The following THSD7B variants were observed in gnomAD, a reference collection of about 807,000 sequenced individuals.
THSD7B encodes the protein thrombospondin type-1 domain-containing protein 7B.
In THSD7B, 138 loss-of-function variants were observed where a neutral mutation model predicts 213.6. That is an observed-to-expected ratio of 0.65 (90% CI 0.56 to 0.74). The LOEUF (loss-of-function observed/expected upper bound fraction) is 0.74. Ranked by LOEUF, THSD7B falls within the 30% of genes least tolerant of loss-of-function variation. THSD7B has a pLI of 0.00. For synonymous variants in THSD7B, 742 were observed against 687.0 expected (o/e 1.08, Z -1.25); for missense variants, 1,931 against 1,991.5 (o/e 0.97, Z 0.58).
At chr2:136,835,078 C>T (rs78649831) in intron 1 of THSD7B, among the ~76,000 whole-genome samples, 6 of 152,116 alleles carry the variant, frequency 3.9e-5, no homozygotes, top group East Asian at 3.8e-4. Context: ...AGAGCCAACA[C>T]GCAACTCTGA....
At chr2:137,413,000 G>A (rs1686705433) in intron 14 of THSD7B, among the ~76,000 whole-genome samples, 1 of 151,678 alleles carries the variant, frequency 6.6e-6, no homozygotes, top group Non-Finnish European at 1.5e-5. Flanking sequence ...AACGTTCTCA[G>A]TAATACCAGA....
chr2:137,117,995 T>G (rs1367043734), intron 5 of THSD7B, among the ~76,000 whole-genome samples: 1 of 152,156 alleles, frequency 6.6e-6, no homozygotes, highest in Non-Finnish European at 1.5e-5. Flanking sequence ...CTATAGCATA[T>G]TTAGTTGATA....
intron 2 of THSD7B, among the ~76,000 whole-genome samples, chr2:137,042,382 C>T (rs975655117): frequency 6.6e-6 from 1 of 152,100 alleles, no homozygotes; most frequent in Non-Finnish European, 1.5e-5. Flanking sequence ...ATCATGCATG[C>T]AAAATATTTC....
chr2:137,356,003 G>A (rs895771146), intron 12 of THSD7B, among the ~76,000 whole-genome samples: 1 of 152,214 alleles, frequency 6.6e-6, no homozygotes, highest in South Asian at 2.1e-4. Flanking sequence ...GCATCTGTGA[G>A]ATCTACTACA....
intron 15 of THSD7B, among the ~76,000 whole-genome samples, chr2:137,461,248 A>C (rs1175198339): frequency 6.6e-6 from 1 of 152,118 alleles, no homozygotes; most frequent in Non-Finnish European, 1.5e-5. Flanking sequence ...TAGAATTGCT[A>C]GATCATAGGA....
intron 11 of THSD7B, among the ~76,000 whole-genome samples, chr2:137,273,125 T>G (rs537133991): frequency 1.7e-4 from 26 of 151,658 alleles, no homozygotes; most frequent in African/African-American, 5.8e-4. Context: ...TAATCAAGAA[T>G]TAAGAACAAA....
intron 25 of THSD7B, among the ~76,000 whole-genome samples, chr2:137,660,096 GTTA>G (rs1267814921): frequency 6.6e-6 from 1 of 152,124 alleles, no homozygotes; most frequent in Non-Finnish European, 1.5e-5. Flanking sequence ...ATTTGCTAAA[GTTA>G]TTATGCAAAT....
intron 12 of THSD7B, among the ~76,000 whole-genome samples, chr2:137,326,883 G>T (rs918348609): frequency 6.6e-6 from 1 of 152,106 alleles, no homozygotes; most frequent in Non-Finnish European, 1.5e-5. Flanking sequence ...AAATGCAGTT[G>T]CAGTTTCAAA....
intron 18 of THSD7B, among the ~76,000 whole-genome samples, chr2:137,617,367 G>C (rs1382970375): frequency 6.6e-6 from 1 of 152,088 alleles, no homozygotes; most frequent in Non-Finnish European, 1.5e-5. Flanking sequence ...CCTTTCTACT[G>C]ACACCAAAAA....
At chr2:137,467,756 G>T (rs1688021365) in intron 15 of THSD7B, among the ~76,000 whole-genome samples, 1 of 152,166 alleles carries the variant, frequency 6.6e-6, no homozygotes, top group African/African-American at 2.4e-5. Flanking sequence ...GAGGATGCAA[G>T]TTGCATTGAC....
intron 2 of THSD7B, among the ~76,000 whole-genome samples, chr2:136,897,359 C>T (rs1013328691): frequency 6.6e-6 from 1 of 151,768 alleles, no homozygotes; most frequent in Non-Finnish European, 1.5e-5. Context: ...TTCTGGTGGG[C>T]TCGTGGTCTC....
At chr2:136,891,566 T>G (rs1248858625) in intron 2 of THSD7B, among the ~76,000 whole-genome samples, 2 of 152,230 alleles carry the variant, frequency 1.3e-5, no homozygotes. Context: ...ACCTCTCTTA[T>G]GTGAAATCAT....
rs779513095 is a variant in THSD7B, at chr2:137,108,708, A to G, written c.1200-6416A>G. Among the ~76,000 whole-genome samples the G allele has an allele frequency of 2.8e-4, 43 of 152,336 alleles. 1 individual carries two copies. In the Middle Eastern group the frequency reaches 0.017, roughly 60 times the overall value. ...GCATCTACCTTTTGAGAATGATAAC[A>G]TATTAAATCTTAACTGTTTCTACTC... On this transcript the variant is annotated intron_variant, in intron 4 of 27. Transcript: ENST00000409968.
chr2:137,361,235 A>G (rs924833622), intron 12 of THSD7B, among the ~76,000 whole-genome samples: 1 of 152,334 alleles, frequency 6.6e-6, no homozygotes. Context: ...CGTCACCATC[A>G]TCAAAGACCA....
At chr2:137,344,563 C>T (rs1050725525) in intron 12 of THSD7B, among the ~76,000 whole-genome samples, 2 of 151,626 alleles carry the variant, frequency 1.3e-5, no homozygotes, top group African/African-American at 2.4e-5. Context: ...TAGCCCCGAT[C>T]GATTTTCTCC....
At chr2:137,283,713 G>A (rs187827139) in intron 12 of THSD7B, among the ~76,000 whole-genome samples, 17 of 151,684 alleles carry the variant, frequency 1.1e-4, no homozygotes, top group East Asian at 3.9e-4. Context: ...ATTGATTTGC[G>A]TATGTTGAAC....
intron 5 of THSD7B, among the ~76,000 whole-genome samples, chr2:137,133,838 A>G (rs1688784221): frequency 6.6e-6 from 1 of 152,200 alleles, no homozygotes; most frequent in Admixed American, 6.5e-5. Flanking sequence ...CTTTGGTACC[A>G]AAAGTTTGAT....
At chr2:137,179,375 G>T (rs527873879) in intron 7 of THSD7B, among the ~76,000 whole-genome samples, 1 of 151,924 alleles carries the variant, frequency 6.6e-6, no homozygotes, top group Admixed American at 6.6e-5. Flanking sequence ...ATGACCATTG[G>T]CTCATTACTC....
intron 3 of THSD7B, among the ~76,000 whole-genome samples, chr2:137,092,118 A>T (rs1432230): frequency 0.18 from 27,379 of 152,026 alleles, 3,280 homozygotes; most frequent in African/African-American, 0.33. Flanking sequence ...AATAGATTTT[A>T]AAAAAATAAA....
Sources: allele counts gnomAD v4.1 joint callset (sites outside exome capture counted in the v4.1 genomes callset), GRCh38; gene constraint gnomAD v4.1.1; transcripts MANE v1.5; gene names NCBI Gene and HGNC (gene_info 2026-07-23, HGNC 2026-07-21).